The following TSC22D2 variants were observed in gnomAD, a reference collection of about 807,000 sequenced individuals.
The protein encoded by TSC22D2 is TSC22 domain family protein 2.
In TSC22D2, 5 loss-of-function variants were observed where a neutral mutation model predicts 50.1. The ratio of observed to expected loss-of-function variants is 0.10; its 90% CI spans 0.05 to 0.21. The LOEUF is 0.21. Among genes scored for constraint, TSC22D2 ranks in the 10% least tolerant of loss-of-function variants. The pLI, the probability that TSC22D2 is intolerant of heterozygous loss-of-function variation, is 1.00. For missense variants in TSC22D2, 1,003 were observed against 1,015.5 expected, an observed-to-expected ratio of 0.99 and a Z score of 0.17; for synonymous variants, 501 against 450.1, an observed-to-expected ratio of 1.11 and a Z score of -1.43.
chr3:150,414,570 G>C (rs1321382557), intron 1 of TSC22D2, among the ~76,000 whole-genome samples: 1 of 152,154 alleles, frequency 6.6e-6, no homozygotes, highest in Non-Finnish European at 1.5e-5. Context: ...TTTGGTGGCA[G>C]ATATTTCTAT....
intron 1 of TSC22D2, among the ~76,000 whole-genome samples, chr3:150,453,315 C>G (rs552011006): frequency 1.3e-5 from 2 of 152,318 alleles, no homozygotes; most frequent in South Asian, 4.1e-4. Flanking sequence ...GTTGATCTTT[C>G]TCATTTTAAA....
At chr3:150,444,386 A>C (rs572693678) in intron 1 of TSC22D2, among the ~76,000 whole-genome samples, 2 of 152,282 alleles carry the variant, frequency 1.3e-5, no homozygotes, top group South Asian at 4.1e-4. Flanking sequence ...AATTATATGC[A>C]GAGTAGTGTT....
At chr3:150,452,426 C>G (rs547464294) in intron 1 of TSC22D2, among the ~76,000 whole-genome samples, 7 of 150,798 alleles carry the variant, frequency 4.6e-5, no homozygotes, top group African/African-American at 1.7e-4. Flanking sequence ...GCCTGGGCAA[C>G]GAGAGTGAAA....
At chr3:150,426,827 TTGA>T (rs1183486923) in intron 1 of TSC22D2, among the ~76,000 whole-genome samples, 2 of 152,198 alleles carry the variant, frequency 1.3e-5, no homozygotes, top group African/African-American at 4.8e-5. Context: ...TACTAGATAA[TTGA>T]TGATCTCTCA....
At chr3:150,417,411 C>G (rs1719853174) in intron 1 of TSC22D2, among the ~76,000 whole-genome samples, 1 of 151,984 alleles carries the variant, frequency 6.6e-6, no homozygotes, top group African/African-American at 2.4e-5. Context: ...TACCGTCTAC[C>G]TAGTCTTTGA....
At chr3:150,449,374 A>G (rs375225781) in intron 1 of TSC22D2, among the ~76,000 whole-genome samples, 5 of 152,102 alleles carry the variant, frequency 3.3e-5, no homozygotes, top group South Asian at 2.1e-4. Flanking sequence ...TCTTGCTTCT[A>G]TCTCTGTCCT....
intron 1 of TSC22D2, among the ~76,000 whole-genome samples, chr3:150,441,116 T>C (rs906855084): frequency 2.0e-5 from 3 of 151,144 alleles, no homozygotes; most frequent in Non-Finnish European, 2.9e-5. Context: ...GTAGTAGTAG[T>C]ATGTTTGCCT....
chr3:150,445,161 C>T (rs1482291698), intron 1 of TSC22D2, among the ~76,000 whole-genome samples: 5 of 151,590 alleles, frequency 3.3e-5, no homozygotes, highest in African/African-American at 7.3e-5. Flanking sequence ...AAAGAAGATC[C>T]GTAAGAATGT....
chr3:150,461,970 T>C lies in TSC22D2; in HGVS notation c.*3334T>C, dbSNP rs1458870376. ...TTTTTAAGATTTGAAGTCACATTTT[T>C]AAAAGAAGCTTTATGGCTCAGTGGC... On this transcript the variant is annotated 3_prime_UTR_variant, in exon 3 of 3. Transcript: ENST00000688009. 6.6e-6 allele frequency: 1 copy of C among 152,318 alleles called. No homozygotes were observed. Among genetic ancestry groups the C allele is most frequent in the East Asian group, 1.9e-4 (1 of 5,192 alleles). The allele number at this position is 152,318 out of a possible 1,614,324, so 9.4% of individuals were successfully genotyped here. A position where few individuals can be genotyped will look rare whatever the true frequency, so the allele number is the denominator to read the frequency against.
At chr3:150,419,896 G>A (rs1283544727) in intron 1 of TSC22D2, among the ~76,000 whole-genome samples, 1 of 152,110 alleles carries the variant, frequency 6.6e-6, no homozygotes, top group Non-Finnish European at 1.5e-5. Flanking sequence ...GAATTGCTTC[G>A]TTGGCTCTAT....
At chr3:150,426,019 T>G (rs1720173216) in intron 1 of TSC22D2, among the ~76,000 whole-genome samples, 1 of 152,198 alleles carries the variant, frequency 6.6e-6, no homozygotes. Context: ...TACCCTCAAG[T>G]CTTCCTTTCC....
rs527555195 is a variant in TSC22D2, at chr3:150,409,550, C to T, written c.200C>T (p.Ser67Phe). ...YGPEEVCERS[S>F]SEETLNNVGD... ...CCTGAGGAGGTCTGCGAGCGCAGCT[C>T]TTCCGAAGAGACGCTTAACAATGTT... The change falls in exon 1 of 3, where the codon TCT becomes TTT. Residue 67 changes from serine to phenylalanine, a missense_variant. This residue lies in a region of TSC22D2 where 200 missense variants were observed against 182.8 expected (regional missense o/e 1.09). Coordinates refer to ENST00000688009, the MANE Select transcript of TSC22D2 (RefSeq NM_001303264.2). This position sits in a 1 kb window ranked among gnomAD's most constrained non-coding sequence, Gnocchi z 7.4. The T allele has an allele frequency of 3.7e-6, 6 of 1,604,114 alleles. No homozygotes were observed. The highest frequency in any genetic ancestry group is 1.7e-4 in the Middle Eastern group (1 of 6,034).
rs1417540006 is a variant in TSC22D2, at chr3:150,462,796, G to C, written c.*4160G>C. 6.6e-6 allele frequency: 1 copy of C among 152,170 alleles called. No homozygotes were observed. The highest frequency in any genetic ancestry group is 1.5e-5 in the Non-Finnish European group (1 of 68,160). 9.4% of individuals were successfully genotyped at this position (152,170 alleles called of 1,614,324 possible). ...TTACAGGCGTGTGCCACCATGCCAG[G>C]CTAATTTTTGTATTTTTAGTAGAGA... On this transcript the variant is annotated 3_prime_UTR_variant, in exon 3 of 3. Coordinates refer to ENST00000688009, the MANE Select transcript of TSC22D2 (RefSeq NM_001303264.2).
At chr3:150,418,667 G>A (rs1481136958) in intron 1 of TSC22D2, among the ~76,000 whole-genome samples, 1 of 151,852 alleles carries the variant, frequency 6.6e-6, no homozygotes, top group Non-Finnish European at 1.5e-5. Flanking sequence ...GAAAGAGTGA[G>A]AATCTATCAT....
intron 1 of TSC22D2, among the ~76,000 whole-genome samples, chr3:150,453,980 G>C (rs557035093): frequency 6.6e-6 from 1 of 152,170 alleles, no homozygotes; most frequent in African/African-American, 2.4e-5. Flanking sequence ...CTCACAATTG[G>C]CATATAATCC....
chr3:150,442,295 AATTGTAAACTCACAAACTCTGGAATT>A (rs747627992), intron 1 of TSC22D2, among the ~76,000 whole-genome samples: 1 of 152,162 alleles, frequency 6.6e-6, no homozygotes, highest in Non-Finnish European at 1.5e-5. Context: ...CTCCTGCACT[AATTGTAAACTCACAAACTCTGGAATT>A]ATGTTTATTT....
chr3:150,414,203 C>A (rs1433982137), intron 1 of TSC22D2, among the ~76,000 whole-genome samples: 1 of 152,194 alleles, frequency 6.6e-6, no homozygotes, highest in Admixed American at 6.5e-5. Context: ...GTTTATCTTT[C>A]TGGCCATTTT....
intron 1 of TSC22D2, among the ~76,000 whole-genome samples, chr3:150,436,117 A>G (rs948237482): frequency 2.6e-5 from 4 of 152,174 alleles, no homozygotes; most frequent in Admixed American, 1.3e-4. Flanking sequence ...GGTAACAACT[A>G]ATTTTGAAAA....
intron 1 of TSC22D2, among the ~76,000 whole-genome samples, chr3:150,435,466 C>T (rs1211177909): frequency 6.6e-6 from 1 of 152,038 alleles, no homozygotes; most frequent in Non-Finnish European, 1.5e-5. Flanking sequence ...CCCTGTTTCC[C>T]CCCTTTCTCC....
Sources: gnomAD v4.1 joint callset for allele counts (sites outside exome capture counted in the v4.1 genomes callset) on GRCh38, gnomAD v4.1.1 for gene constraint, gnomAD v4.1.1 regional missense constraint, Gnocchi (gnomAD v3.1) non-coding constraint, MANE v1.5 for transcripts, NCBI Gene and HGNC (gene_info 2026-07-23, HGNC 2026-07-21) for gene names.